Variants in FHIT observed in about 807,000 individuals in gnomAD.
FHIT encodes bis(5'-adenosyl)-triphosphatase.
In FHIT, 19 loss-of-function variants were observed where a neutral mutation model predicts 17.9. The observed-to-expected ratio is 1.06, with a 90% CI of 0.74 to 1.56. The LOEUF is 1.56. FHIT is among the 40% of genes most tolerant of loss of function. FHIT has a pLI of 0.00. For synonymous variants in FHIT, 81 were observed against 69.7 expected, an observed-to-expected ratio of 1.16 and a Z score of -0.81; for missense variants, 248 against 189.2, an observed-to-expected ratio of 1.31 and a Z score of -1.82.
chr3:59,879,742 A>G (rs1703320588), intron 8 of FHIT, among the ~76,000 whole-genome samples: 1 of 152,338 alleles, frequency 6.6e-6, no homozygotes, highest in South Asian at 2.1e-4. Flanking sequence ...AATCACAGCA[A>G]TTGCTGGGTC....
At chr3:59,867,854 T>C (rs687342) in intron 8 of FHIT, among the ~76,000 whole-genome samples, 11,690 of 151,904 alleles carry the variant, frequency 0.077, 550 homozygotes, top group Non-Finnish European at 0.11. Context: ...GATAAACCTA[T>C]TGTGGTCAGA....
intron 2 of FHIT, among the ~76,000 whole-genome samples, chr3:61,149,182 T>C (rs554873066): frequency 6.6e-6 from 1 of 152,252 alleles, no homozygotes; most frequent in African/African-American, 2.4e-5. Context: ...TGAGAAACCA[T>C]TGAAATTGGA....
At chr3:60,968,332 G>A (rs1180574757) in intron 3 of FHIT, among the ~76,000 whole-genome samples, 2 of 151,596 alleles carry the variant, frequency 1.3e-5, no homozygotes, top group African/African-American at 2.4e-5. Context: ...ATATAATGAT[G>A]AATAAAAATG....
intron 8 of FHIT, among the ~76,000 whole-genome samples, chr3:59,833,806 G>A (rs976730298): frequency 1.3e-5 from 2 of 152,092 alleles, no homozygotes; most frequent in Admixed American, 1.3e-4. Context: ...TTGGATCAGG[G>A]GGACAGTTTC....
chr3:60,303,183 T>G (rs536798150), intron 5 of FHIT, among the ~76,000 whole-genome samples: 8 of 152,182 alleles, frequency 5.3e-5, no homozygotes, highest in African/African-American at 1.9e-4. Flanking sequence ...TATGCAAGCC[T>G]GTGACAGAGG....
intron 3 of FHIT, among the ~76,000 whole-genome samples, chr3:60,897,575 A>G (rs1705893959): frequency 6.6e-6 from 1 of 152,146 alleles, no homozygotes; most frequent in African/African-American, 2.4e-5. Flanking sequence ...GCAATTTCTT[A>G]TACTGGCTAA....
intron 2 of FHIT, among the ~76,000 whole-genome samples, chr3:61,086,692 A>C (rs2035316691): frequency 6.6e-6 from 1 of 151,918 alleles, no homozygotes; most frequent in African/African-American, 2.4e-5. Context: ...TCAAACAAAT[A>C]TCTTCTCTTT....
intron 2 of FHIT, among the ~76,000 whole-genome samples, chr3:61,066,321 A>T (rs530830117): frequency 6.6e-6 from 1 of 152,166 alleles, no homozygotes. Context: ...TCTTCTTAAC[A>T]TAGCCAAAAA....
chr3:60,082,209 G>C (rs1703318099), intron 5 of FHIT, among the ~76,000 whole-genome samples: 1 of 151,262 alleles, frequency 6.6e-6, no homozygotes, highest in Admixed American at 6.6e-5. Flanking sequence ...TCACTTATAA[G>C]AGAGAACATG....
chr3:59,839,095 T>A (rs1701438664), intron 8 of FHIT, among the ~76,000 whole-genome samples: 1 of 152,016 alleles, frequency 6.6e-6, no homozygotes, highest in Non-Finnish European at 1.5e-5. Context: ...GGCAGGTGGA[T>A]CACTTGAGGT....
chr3:60,582,272 G>A (rs1483484461), intron 4 of FHIT, among the ~76,000 whole-genome samples: 1 of 152,040 alleles, frequency 6.6e-6, no homozygotes, highest in African/African-American at 2.4e-5. Context: ...TCCCATGTGG[G>A]GGGCGACTAG....
intron 5 of FHIT, among the ~76,000 whole-genome samples, chr3:60,531,528 T>A (rs1184284492): frequency 6.6e-6 from 1 of 152,094 alleles, no homozygotes; most frequent in Admixed American, 6.5e-5. Context: ...TCCGCCCGCC[T>A]CGGCCTCCCA....
chr3:59,884,564 T>C (rs1050874557), intron 8 of FHIT, among the ~76,000 whole-genome samples: 12 of 152,296 alleles, frequency 7.9e-5, no homozygotes, highest in East Asian at 5.8e-4. Context: ...CGTAAAACCA[T>C]TTCCTATCTC....
At chr3:60,258,095 C>CAT (rs1706104328) in intron 5 of FHIT, among the ~76,000 whole-genome samples, 5 of 147,944 alleles carry the variant, frequency 3.4e-5, no homozygotes, top group Non-Finnish European at 6.0e-5. Context: ...CACACACACA[C>CAT]ACACACCTCT....
At chr3:60,810,339 A>G (rs782590749) in intron 4 of FHIT, among the ~76,000 whole-genome samples, 4 of 152,240 alleles carry the variant, frequency 2.6e-5, no homozygotes, top group Non-Finnish European at 2.9e-5. Flanking sequence ...GGCTGCAGTT[A>G]AAAGCAAACT....
intron 3 of FHIT, among the ~76,000 whole-genome samples, chr3:60,875,057 T>C (rs574831114): frequency 6.6e-6 from 1 of 152,308 alleles, no homozygotes; most frequent in South Asian, 2.1e-4. Flanking sequence ...TGCTCAGCAA[T>C]GTTCTTTTCT....
At position 60,441,729 on chromosome 3, in the gene FHIT, T is replaced by TA. The variant is rs1559915943; in HGVS notation, c.103+95130_103+95131insT. ...ATATATATATATATATATATTTGTATTTATATATATATATTTATATATATA... is the reference window on the plus strand; with the variant it reads ...ATATATATATATATATATATTTGTATATTATATATATATATTTATATATATA... On this transcript the variant is annotated intron_variant, in intron 5 of 9. Coordinates refer to ENST00000492590, the MANE Select transcript of FHIT (RefSeq NM_002012.4). Among the ~76,000 whole-genome samples, 9 of 110,796 alleles carry TA rather than the reference T, an allele frequency of 8.1e-5. No individual in the cohort carries two copies. The East Asian group carries it at 1.1e-3, about 13-fold the overall frequency. 72.7% of individuals were successfully genotyped at this position (110,796 alleles called of 152,430 possible).
At chr3:60,559,533 G>A (rs571362267) in intron 4 of FHIT, among the ~76,000 whole-genome samples, 1 of 152,148 alleles carries the variant, frequency 6.6e-6, no homozygotes, top group African/African-American at 2.4e-5. Context: ...CTTTATTGAT[G>A]TTTCCACTCA....
At chr3:60,043,007 A>G (rs1701505019) in intron 5 of FHIT, among the ~76,000 whole-genome samples, 1 of 152,134 alleles carries the variant, frequency 6.6e-6, no homozygotes, top group Non-Finnish European at 1.5e-5. Context: ...AAAAACATGG[A>G]GCCTCTATGC....
Sources: gnomAD v4.1 joint callset for allele counts (sites outside exome capture counted in the v4.1 genomes callset) on GRCh38, gnomAD v4.1.1 for gene constraint, MANE v1.5 for transcripts, NCBI Gene and HGNC (gene_info 2026-07-23, HGNC 2026-07-21) for gene names.